CLSTN2: variants seen among roughly 807,000 people sequenced by gnomAD.
CLSTN2 encodes the protein calsyntenin-2.
CLSTN2 carries 48 observed loss-of-function variants against 101.2 expected under a neutral mutation model. That is an observed-to-expected ratio of 0.47 (90% CI 0.38 to 0.60). The LOEUF (loss-of-function observed/expected upper bound fraction) is 0.60, where lower values mean the gene tolerates loss of function less well. CLSTN2 is among the 20% of genes least tolerant of loss of function. The probability of loss-of-function intolerance (pLI) is 0.00; values close to 1 mark genes in which losing one functional copy is unlikely to be tolerated. For synonymous variants in CLSTN2, 481 were observed against 463.6 expected (o/e 1.04, Z -0.48); for missense variants, 1,160 against 1,238.2 (o/e 0.94, Z 0.95).
intron 1 of CLSTN2, among the ~76,000 whole-genome samples, chr3:140,155,151 G>A (rs534430833): frequency 3.3e-5 from 5 of 152,280 alleles, no homozygotes; most frequent in African/African-American, 4.8e-5. Context: ...TGGCAGCTCC[G>A]TGGAAAGGGA....
chr3:140,525,372 A>G (rs1360180022), intron 8 of CLSTN2, among the ~76,000 whole-genome samples: 1 of 152,180 alleles, frequency 6.6e-6, no homozygotes, highest in Non-Finnish European at 1.5e-5. Context: ...GGTAACGCAC[A>G]ATCTCCCAAG....
intron 8 of CLSTN2, among the ~76,000 whole-genome samples, chr3:140,472,270 T>G (rs900384613): frequency 6.6e-6 from 1 of 152,174 alleles, no homozygotes; most frequent in African/African-American, 2.4e-5. Context: ...GCCAGAGCCT[T>G]TGCTTATCAA....
At chr3:140,123,147 G>C (rs1187896236) in intron 1 of CLSTN2, among the ~76,000 whole-genome samples, 1 of 122,664 alleles carries the variant, frequency 8.2e-6, no homozygotes, top group Admixed American at 1.0e-4. Context: ...ATGATACCTT[G>C]TTACTGTGTC....
At chr3:139,953,931 T>TTGTGTGTGTGTGTGTGTGTGTG (rs145225696) in intron 1 of CLSTN2, among the ~76,000 whole-genome samples, 56 of 147,486 alleles carry the variant, frequency 3.8e-4, no homozygotes, top group Middle Eastern at 3.5e-3. Context: ...GTGTGTGTGT[T>TTGTGTGTGTGTGTGTGTGTGTG]TGTGTGTGTG....
chr3:140,484,747 C>T (rs577170824), intron 8 of CLSTN2, among the ~76,000 whole-genome samples: 4 of 152,272 alleles, frequency 2.6e-5, no homozygotes, highest in Admixed American at 6.5e-5. Context: ...TCCAGTTGAT[C>T]GAATCGGCTA....
intron 8 of CLSTN2, among the ~76,000 whole-genome samples, chr3:140,494,204 C>G (rs951424423): frequency 6.6e-6 from 1 of 152,190 alleles, no homozygotes; most frequent in Non-Finnish European, 1.5e-5. Flanking sequence ...ATTCAGGGTG[C>G]AAAGCATATA....
chr3:140,246,792 T>C (rs1338185592), intron 2 of CLSTN2, among the ~76,000 whole-genome samples: 1 of 152,144 alleles, frequency 6.6e-6, no homozygotes, highest in Non-Finnish European at 1.5e-5. Context: ...TCGGGCTTTT[T>C]AGCAGCTCCC....
intron 2 of CLSTN2, among the ~76,000 whole-genome samples, chr3:140,279,993 C>A (rs2107895824): frequency 6.6e-6 from 1 of 152,318 alleles, no homozygotes; most frequent in African/African-American, 2.4e-5. Flanking sequence ...CAGTCCCCAG[C>A]CAGTCCATTT....
At position 140,570,561 on chromosome 3, in the gene CLSTN2, A is replaced by G. The variant is rs1174076373; in HGVS notation, c.*4308A>G. 5 of 152,198 alleles carry G rather than the reference A, an allele frequency of 3.3e-5. No homozygotes were observed. The highest frequency in any genetic ancestry group is 2.0e-4 in the Admixed American group (3 of 15,282). 9.4% of individuals were successfully genotyped at this position (152,198 alleles called of 1,614,324 possible). A position where few individuals can be genotyped will look rare whatever the true frequency, so the allele number is the denominator to read the frequency against. ...AGGGATGACTGTACTCAGCTCTCCT[A>G]TTGTAGCATGAAAACAGACAATACG... On this transcript the variant is annotated 3_prime_UTR_variant, in exon 17 of 17. Transcript: ENST00000458420.
At chr3:140,327,138 GCACACATGCACATA>G in intron 2 of CLSTN2, among the ~76,000 whole-genome samples, 1 of 152,262 alleles carries the variant, frequency 6.6e-6, no homozygotes, top group Non-Finnish European at 1.5e-5. Context: ...AGAAACAGAC[GCACACATGCACATA>G]TACACATGCG....
At chr3:140,522,414 G>T (rs1380178949) in intron 8 of CLSTN2, among the ~76,000 whole-genome samples, 2 of 152,210 alleles carry the variant, frequency 1.3e-5, no homozygotes, top group Non-Finnish European at 2.9e-5. Flanking sequence ...AAGAGAATCT[G>T]GTTTGCATGG....
chr3:140,186,965 A>T (rs1053788490), intron 2 of CLSTN2, among the ~76,000 whole-genome samples: 1 of 152,002 alleles, frequency 6.6e-6, no homozygotes, highest in Non-Finnish European at 1.5e-5. Context: ...ACAGAGGCAC[A>T]TGAGCAAATG....
intron 2 of CLSTN2, among the ~76,000 whole-genome samples, chr3:140,339,388 T>C (rs2087471036): frequency 6.6e-6 from 1 of 152,198 alleles, no homozygotes; most frequent in Non-Finnish European, 1.5e-5. Context: ...TTTGGAATTA[T>C]AGTGAGATTT....
chr3:139,999,801 A>G (rs995945492), intron 1 of CLSTN2, among the ~76,000 whole-genome samples: 1 of 152,034 alleles, frequency 6.6e-6, no homozygotes, highest in Non-Finnish European at 1.5e-5. Flanking sequence ...TGTGAATTAT[A>G]TGTATGGTCT....
At chr3:140,213,545 G>A (rs1047747061) in intron 2 of CLSTN2, among the ~76,000 whole-genome samples, 8 of 152,184 alleles carry the variant, frequency 5.3e-5, no homozygotes, top group African/African-American at 1.9e-4. Flanking sequence ...TGGCCCACAG[G>A]CCTGGGAAGA....
chr3:140,544,402 T>A (rs1935545084), intron 9 of CLSTN2, among the ~76,000 whole-genome samples: 1 of 151,412 alleles, frequency 6.6e-6, no homozygotes. Flanking sequence ...ACAAGAGGAG[T>A]GTGCAAGAGG....
At chr3:140,344,710 A>G (rs573388120) in intron 2 of CLSTN2, among the ~76,000 whole-genome samples, 1 of 152,320 alleles carries the variant, frequency 6.6e-6, no homozygotes, top group African/African-American at 2.4e-5. Flanking sequence ...TGTGGGTCAC[A>G]TAACAGCTTG....
At chr3:140,204,449 A>G (rs2010755236) in intron 2 of CLSTN2, among the ~76,000 whole-genome samples, 1 of 152,258 alleles carries the variant, frequency 6.6e-6, no homozygotes, top group African/African-American at 2.4e-5. Flanking sequence ...AGTATTAACA[A>G]ATGAATACAT....
chr3:140,263,441 G>C (rs1026327636), intron 2 of CLSTN2, among the ~76,000 whole-genome samples: 1 of 152,144 alleles, frequency 6.6e-6, no homozygotes, highest in Non-Finnish European at 1.5e-5. Context: ...CACCCCCATG[G>C]GGTTCACTGG....
Sources: gnomAD v4.1 joint callset for allele counts (sites outside exome capture counted in the v4.1 genomes callset) on GRCh38, gnomAD v4.1.1 for gene constraint, MANE v1.5 for transcripts, NCBI Gene and HGNC (gene_info 2026-07-23, HGNC 2026-07-21) for gene names.